RET: variants seen among roughly 807,000 people sequenced by gnomAD.
The protein encoded by RET is ret proto-oncogene.
RET carries 19 observed loss-of-function variants against 118.3 expected under a neutral mutation model. The observed-to-expected ratio is 0.16, with a 90% CI of 0.11 to 0.24. The LOEUF is 0.24. RET is among the 10% of genes least tolerant of loss of function. The pLI, the probability that RET is intolerant of heterozygous loss-of-function variation, is 1.00. For missense variants in RET, 1,219 were observed against 1,502.1 expected, an observed-to-expected ratio of 0.81 and a Z score of 3.12; for synonymous variants, 597 against 644.1, an observed-to-expected ratio of 0.93 and a Z score of 1.11.
chr10:43,128,539 C>G lies in RET; in HGVS notation c.*270C>G. On this transcript the variant is annotated 3_prime_UTR_variant, in exon 20 of 20. Coordinates refer to ENST00000355710, the MANE Select transcript of RET (RefSeq NM_020975.6). ...CTTTCTCTTCAGTGCCCAGCAGCAC[C>G]CAGTGTTGGTCTGTGTCCATCAGTG... 1 of 540,448 alleles carries G rather than the reference C, an allele frequency of 1.9e-6. No homozygotes were observed. Among genetic ancestry groups the G allele is most frequent in the East Asian group, 3.2e-5 (1 of 30,808 alleles). The allele number at this position is 540,448 out of a possible 1,614,324, so 33.5% of individuals were successfully genotyped here.
At position 43,112,124 on chromosome 10, in the gene RET, C is replaced by A. The variant is rs1246004706; in HGVS notation, c.1548C>A (p.Pro516=). 4 of 1,601,776 alleles carry A rather than the reference C, an allele frequency of 2.5e-6. No individual in the cohort carries two copies. The highest frequency in any genetic ancestry group is 2.3e-5 in the South Asian group (2 of 88,702). The stretch of plus-strand genomic sequence containing the variant: ...ATGTGGCCGAGGAGGCGGGCTGCCC[C>A]CTGTCCTGTGCAGTCAGCAAGAGAC... ...GSYVAEEAGC[P]LSCAVSKRRL... is the part of the protein sequence containing the mutation. Residue 516 remains proline (P), a synonymous_variant, in exon 8 of 20, where the codon CCC becomes CCA. Coordinates refer to ENST00000355710, the MANE Select transcript of RET (RefSeq NM_020975.6).
At position 43,104,970 on chromosome 10, in the gene RET, G is replaced by T. The variant is rs748128929; in HGVS notation, c.644G>T (p.Arg215Leu). 2 of 1,571,834 alleles carry T rather than the reference G, an allele frequency of 1.3e-6. No homozygotes were observed. The highest frequency in any genetic ancestry group is 1.7e-6 in the Non-Finnish European group (2 of 1,166,950). ...RLLEGEGLPFRCAPDSLEVST... is the reference protein window; with the variant it reads ...RLLEGEGLPFLCAPDSLEVST... Reference sequence around the variant, plus strand: ...TGCGCAGGTGAGGGTCTGCCCTTCCGCTGCGCCCCGGACAGCCTGGAGGTG... The same window carrying T: ...TGCGCAGGTGAGGGTCTGCCCTTCCTCTGCGCCCCGGACAGCCTGGAGGTG... The change falls in exon 4 of 20, where the codon CGC becomes CTC. Residue 215 changes from arginine (R) to leucine (L), a missense_variant. Physicochemically the swap from Arg to Leu is moderately radical, Grantham distance 102. Coordinates refer to ENST00000355710, the MANE Select transcript of RET (RefSeq NM_020975.6).
intron 2 of RET, 144 bp downstream of exon 2, chr10:43,100,866 G>A: frequency 1.1e-6 from 1 of 897,562 alleles, no homozygotes. Flanking sequence ...AGTGAGGCTG[G>A]CCTGCCTCTG....
rs373707092 is a variant in RET at position 43,114,853 on chromosome 10, C to G, written c.2136+117C>G. 3.5e-6 allele frequency: 4 copies of G among 1,138,692 alleles called. No homozygotes were observed. Among genetic ancestry groups the G allele is most frequent in the Non-Finnish European group, 4.9e-6 (4 of 817,116 alleles). 70.5% of individuals were successfully genotyped at this position (1,138,692 alleles called of 1,614,324 possible). ...TGAGGGGCTGCCAACGCTGGGCAGA[C>G]GAGGCCTGTGTTCTGCCCCCATTTC... On this transcript the variant is annotated intron_variant, in intron 11 of 19. Transcript: ENST00000355710. The surrounding 1 kb of genome is among the most constrained non-coding windows in gnomAD (Gnocchi z 4.6).
At position 43,129,191 on chromosome 10, in the gene RET, G is replaced by A. The variant is rs1277056981; in HGVS notation, c.*922G>A. ...GCACACCCCACAGCCAAGTAGAGGC[G>A]AAAGCAGTGGCTCATCCTACCTGTT... On this transcript the variant is annotated 3_prime_UTR_variant, in exon 20 of 20. Transcript: ENST00000355710. 11 of 233,320 alleles carry A rather than the reference G, an allele frequency of 4.7e-5. 1 individual carries two copies. In the Middle Eastern group the frequency reaches 3.7e-3, roughly 79 times the overall value. The allele number at this position is 233,320 out of a possible 1,614,324, so 14.5% of individuals were successfully genotyped here.
intron 1 of RET, among the ~76,000 whole-genome samples, chr10:43,081,888 G>A (rs956698946): frequency 7.2e-5 from 11 of 152,196 alleles, no homozygotes; most frequent in African/African-American, 2.4e-4. Flanking sequence ...AACTTTGGAG[G>A]ACGGGCCTTC....
intron 11 of RET, among the ~76,000 whole-genome samples, chr10:43,115,836 C>G (rs910424279): frequency 6.6e-6 from 1 of 152,190 alleles, no homozygotes; most frequent in Admixed American, 6.5e-5. Context: ...GAGGTGACAG[C>G]GGCAGGGAAG....
At position 43,111,398 on chromosome 10, in the gene RET, G is replaced by A. The variant is rs2132773997; in HGVS notation, c.1455G>A (p.Val485=). ...AGTGTGCCGAACTTCACTACATGGTGGTGGCCACCGACCAGCAGACCTCTA... is the reference window on the plus strand; with the variant it reads ...AGTGTGCCGAACTTCACTACATGGTAGTGGCCACCGACCAGCAGACCTCTA... ...RPKCAELHYM[V]VATDQQTSRQ... The change falls in exon 7 of 20, where the codon GTG becomes GTA. Residue 485 remains valine, a synonymous_variant. Transcript: ENST00000355710. 1 of 1,614,010 alleles carries A rather than the reference G, an allele frequency of 6.2e-7. No individual in the cohort carries two copies.
chr10:43,121,570 A>G lies in RET; in HGVS notation c.2731-376A>G, dbSNP rs3026770. ...GGTAGCTGCTGGCAAAGTGCCCAAC[A>G]TGGAAATGCTAGATGTTGGTTTCCC... On this transcript the variant is annotated intron_variant, in intron 15 of 19. Transcript: ENST00000355710. Among the ~76,000 whole-genome samples, 1,237 of 152,316 alleles carry G rather than the reference A, an allele frequency of 8.1e-3. 11 individuals carry two copies. Among genetic ancestry groups the G allele is most frequent in the Admixed American group, 0.013 (199 of 15,306 alleles).
At chr10:43,109,774 G>A (rs776204774) in intron 6 of RET, among the ~76,000 whole-genome samples, 25 of 149,004 alleles carry the variant, frequency 1.7e-4, no homozygotes, top group Non-Finnish European at 2.7e-4. Flanking sequence ...AGAAATAGAA[G>A]GCATAAAAGT....
rs1277260516 is a variant in RET, at chr10:43,115,358, G to A, written c.2136+622G>A. 7.2e-5 allele frequency among the ~76,000 whole-genome samples: 11 copies of A among 152,320 alleles called. No individual in the cohort carries two copies. In the South Asian group the frequency reaches 1.9e-3, roughly 26 times the overall value. ...GGCAGTTCCCATCTCAGGCTGGGAG[G>A]TGGCCTGGGATTCCTGGGAGGGGCC... On this transcript the variant is annotated intron_variant, in intron 11 of 19. Transcript: ENST00000355710.
Position 43,129,629 on chromosome 10 carries a change from C to T in RET, c.*1360C>T. 1 of 259,386 alleles carries T rather than the reference C, an allele frequency of 3.9e-6. No individual in the cohort carries two copies. Among genetic ancestry groups the T allele is most frequent in the South Asian group, 1.7e-4 (1 of 5,754 alleles). 16.1% of individuals were successfully genotyped at this position (259,386 alleles called of 1,614,324 possible). On this transcript the variant is annotated 3_prime_UTR_variant, in exon 20 of 20. Coordinates refer to ENST00000355710, the MANE Select transcript of RET (RefSeq NM_020975.6). ...GCAGAAAAGAGTCGGATTACCAAAA[C>T]ACTGCCTGCTCTTCAGACTTAAAGC...
chr10:43,095,187 G>A (rs1837496657), intron 1 of RET, among the ~76,000 whole-genome samples: 1 of 152,142 alleles, frequency 6.6e-6, no homozygotes, highest in South Asian at 2.1e-4. Flanking sequence ...GGGCACGGGA[G>A]CTGAGGCTGG....
rs772489699 is a variant in RET, at chr10:43,111,348, G to T, written c.1405G>T (p.Asp469Tyr). The change falls in exon 7 of 20, where the codon GAC becomes TAC. Residue 469 changes from aspartate to tyrosine, a missense_variant. This residue lies in a region of RET where 850 missense variants were observed against 969.6 expected (regional missense o/e 0.88). Transcript: ENST00000355710. ...CACCTCGGGGATCCTGTTTGTGAAT[G>T]ACACCAAGGCCCTGCGGCGGCCCAA... ...EDTSGILFVN[D>Y]TKALRRPKCA... 2 of 1,614,116 alleles carry T rather than the reference G, an allele frequency of 1.2e-6. No homozygotes were observed. The highest frequency in any genetic ancestry group is 1.7e-6 in the Non-Finnish European group (2 of 1,180,042).
At chr10:43,093,831 C>G (rs1293017639) in intron 1 of RET, among the ~76,000 whole-genome samples, 1 of 151,730 alleles carries the variant, frequency 6.6e-6, no homozygotes, top group Admixed American at 6.6e-5. Flanking sequence ...CTCCACCCAG[C>G]AAAAATGGGC....
In RET at chr10:43,109,193, C is replaced by G. The variant is rs771636042; in HGVS notation, c.1226C>G (p.Ser409Cys). The change falls in exon 6 of 20, where the codon TCC becomes TGC. Residue 409 changes from serine to cysteine, a missense_variant. By Grantham distance (112) the Ser-to-Cys change is moderately radical. This residue lies in a region of RET where 850 missense variants were observed against 969.6 expected (regional missense o/e 0.88). Transcript: ENST00000355710. The part of the protein sequence containing the change: ...PVSLHLPSTY[S>C]LSVSRRARRF... ...AGCCTGCACCTGCCCAGTACCTACT[C>G]CCTCTCCGTGAGCAGGAGGGCTCGC... 1 of 1,613,802 alleles carries G rather than the reference C, an allele frequency of 6.2e-7. No homozygotes were observed. The highest frequency in any genetic ancestry group is 8.5e-7 in the Non-Finnish European group (1 of 1,180,052).
chr10:43,099,539 A>C lies in RET; in HGVS notation c.74-920A>C, dbSNP rs147873317. ...AAATAAATAAATAAATAAATAAATA[A>C]ATAAATAAATAAATAAATAAAAATT... On this transcript the variant is annotated intron_variant, in intron 1 of 19. Coordinates refer to ENST00000355710, the MANE Select transcript of RET (RefSeq NM_020975.6). Among the ~76,000 whole-genome samples, 30 of 151,734 alleles carry C rather than the reference A, an allele frequency of 2.0e-4. No homozygotes were observed. In the East Asian group the frequency reaches 5.8e-3, roughly 29 times the overall value.
intron 18 of RET, among the ~76,000 whole-genome samples, chr10:43,125,517 C>T (rs550480170): frequency 2.0e-5 from 3 of 152,184 alleles, no homozygotes; most frequent in Non-Finnish European, 4.4e-5. Flanking sequence ...TTATTGTTAA[C>T]AATTCATTTA....
intron 9 of RET, among the ~76,000 whole-genome samples, chr10:43,113,317 G>A (rs1266349596): frequency 1.3e-5 from 2 of 152,212 alleles, no homozygotes; most frequent in Non-Finnish European, 2.9e-5. Context: ...CAGTTTTGGA[G>A]GCAGAGTCCT....
Sources: gnomAD v4.1 joint callset for allele counts (sites outside exome capture counted in the v4.1 genomes callset) on GRCh38, gnomAD v4.1.1 for gene constraint, gnomAD v4.1.1 regional missense constraint, Gnocchi (gnomAD v3.1) non-coding constraint, MANE v1.5 for transcripts, NCBI Gene and HGNC (gene_info 2026-07-23, HGNC 2026-07-21) for gene names.